The following CPQ variants were observed in gnomAD, a reference collection of about 807,000 sequenced individuals.
The protein encoded by CPQ is carboxypeptidase Q, also known as Ser-Met dipeptidase.
CPQ carries 37 observed loss-of-function variants against 45.7 expected under a neutral mutation model. The observed-to-expected ratio is 0.81, with a 90% CI of 0.62 to 1.07. CPQ has a LOEUF of 1.07. Ranked by LOEUF, CPQ falls within the 50% of genes least tolerant of loss-of-function variation. The probability of loss-of-function intolerance (pLI) is 0.00; values close to 1 mark genes in which losing one functional copy is unlikely to be tolerated. For synonymous variants in CPQ, 186 were observed against 205.8 expected (o/e 0.90, Z 0.82); for missense variants, 537 against 572.9 (o/e 0.94, Z 0.64).
intron 1 of CPQ, among the ~76,000 whole-genome samples, chr8:96,682,562 G>T (rs1163415779): frequency 6.6e-6 from 1 of 152,088 alleles, no homozygotes; most frequent in East Asian, 1.9e-4. Flanking sequence ...AACTATTGTT[G>T]TACTGGAGTC....
intron 5 of CPQ, among the ~76,000 whole-genome samples, chr8:96,984,436 G>A (rs1353208998): frequency 6.6e-6 from 1 of 152,068 alleles, no homozygotes; most frequent in African/African-American, 2.4e-5. Context: ...CATTATAAAA[G>A]GGCTGGAAGG....
intron 5 of CPQ, among the ~76,000 whole-genome samples, chr8:97,012,621 G>T (rs1809509050): frequency 6.6e-6 from 1 of 151,994 alleles, no homozygotes; most frequent in Non-Finnish European, 1.5e-5. Flanking sequence ...ATAAACTTGG[G>T]GAGTCTTTTT....
At chr8:96,848,383 T>G (rs1811727699) in intron 3 of CPQ, among the ~76,000 whole-genome samples, 1 of 152,254 alleles carries the variant, frequency 6.6e-6, no homozygotes, top group Non-Finnish European at 1.5e-5. Flanking sequence ...TTATAACAAT[T>G]TATGAATTTA....
intron 4 of CPQ, among the ~76,000 whole-genome samples, chr8:96,963,228 A>G (rs1408160578): frequency 1.3e-5 from 2 of 152,244 alleles, no homozygotes; most frequent in African/African-American, 2.4e-5. Context: ...TACACTTTTA[A>G]TCCACTGGAA....
At chr8:96,781,915 A>G (rs1271404130) in intron 1 of CPQ, among the ~76,000 whole-genome samples, 1 of 152,206 alleles carries the variant, frequency 6.6e-6, no homozygotes, top group Admixed American at 6.5e-5. Flanking sequence ...CAACAACAGT[A>G]AATCTTAAGC....
intron 1 of CPQ, among the ~76,000 whole-genome samples, chr8:96,681,258 A>T (rs920144239): frequency 2.0e-5 from 3 of 152,242 alleles, no homozygotes; most frequent in African/African-American, 7.2e-5. Context: ...TCACAGGACC[A>T]GAGGCCTAGG....
rs754561204 is a variant in CPQ, at chr8:97,066,201, G to C, written c.1246G>C (p.Gly416Arg). Residue 416 changes from glycine to arginine, a missense_variant, in exon 7 of 8, where the codon GGA becomes CGA. Physicochemically the swap from Gly to Arg is moderately radical, Grantham distance 125. Coordinates refer to ENST00000220763, the MANE Select transcript of CPQ (RefSeq NM_016134.4). ...GTDINFWIQA[G>R]VPGASLLDDL... ...AGACATCAACTTTTGGATCCAAGCT[G>C]GAGTGCCTGGTAAGACCAAAAGATG... is the stretch of plus-strand genomic sequence containing the variant. The C allele has an allele frequency of 2.4e-5, 39 of 1,608,584 alleles. No homozygotes were observed. Among genetic ancestry groups the C allele is most frequent in the Non-Finnish European group, 3.3e-5 (39 of 1,178,532 alleles).
intron 3 of CPQ, among the ~76,000 whole-genome samples, chr8:96,852,996 G>T (rs1811791503): frequency 6.6e-6 from 1 of 152,216 alleles, no homozygotes; most frequent in Non-Finnish European, 1.5e-5. Flanking sequence ...CCAGACCCCT[G>T]TGGGCACATA....
chr8:96,928,951 T>C (rs1389815736), intron 4 of CPQ, among the ~76,000 whole-genome samples: 1 of 152,200 alleles, frequency 6.6e-6, no homozygotes, highest in Non-Finnish European at 1.5e-5. Context: ...CTCAGGTTGC[T>C]TTTAAGGAAT....
At chr8:96,939,830 C>T (rs1280781616) in intron 4 of CPQ, among the ~76,000 whole-genome samples, 1 of 152,110 alleles carries the variant, frequency 6.6e-6, no homozygotes, top group Non-Finnish European at 1.5e-5. Flanking sequence ...AGGGTATATA[C>T]CTAGGAGTGG....
rs1813698981 is a variant in CPQ at position 96,972,649 on chromosome 8, C to G, written c.961+6603C>G. On this transcript the variant is annotated intron_variant, in intron 5 of 7. Transcript: ENST00000220763. ...AGACGACTTCACTCCCCTGCTAATT[C>G]CATCAGAGCAGGTGCTGGCATCCAT... Among the ~76,000 whole-genome samples the G allele has an allele frequency of 3.9e-5, 6 of 152,346 alleles. No individual in the cohort carries two copies. The South Asian group carries it at 1.0e-3, about 26-fold the overall frequency.
intron 3 of CPQ, among the ~76,000 whole-genome samples, chr8:96,835,537 G>C (rs1331725780): frequency 1.3e-5 from 2 of 152,216 alleles, no homozygotes; most frequent in Non-Finnish European, 2.9e-5. Context: ...GAGGGAGCCA[G>C]CCTGTTTTCC....
At chr8:97,038,506 GC>G (rs1328831687) in intron 6 of CPQ, among the ~76,000 whole-genome samples, 1 of 152,164 alleles carries the variant, frequency 6.6e-6, no homozygotes, top group Non-Finnish European at 1.5e-5. Context: ...GAGGCATCAT[GC>G]CTTGGGCTCA....
intron 3 of CPQ, among the ~76,000 whole-genome samples, chr8:96,875,872 C>T (rs930536643): frequency 3.3e-5 from 5 of 151,668 alleles, no homozygotes; most frequent in African/African-American, 1.2e-4. Context: ...GCGTTAAATC[C>T]ATAAATCAAC....
intron 4 of CPQ, among the ~76,000 whole-genome samples, chr8:96,894,234 C>G (rs1292402515): frequency 2.0e-5 from 3 of 152,174 alleles, no homozygotes; most frequent in Admixed American, 2.0e-4. Flanking sequence ...TAAGCCAGAA[C>G]CACCCAGCTA....
chr8:97,041,944 C>T (rs1810133472), intron 6 of CPQ, among the ~76,000 whole-genome samples: 1 of 152,138 alleles, frequency 6.6e-6, no homozygotes, highest in Admixed American at 6.6e-5. Context: ...GTCTAAAATT[C>T]TCTTTTTTGG....
At chr8:97,109,054 C>G (rs115655552) in intron 7 of CPQ, among the ~76,000 whole-genome samples, 1 of 152,166 alleles carries the variant, frequency 6.6e-6, no homozygotes, top group Non-Finnish European at 1.5e-5. Context: ...CTTAGTTGAT[C>G]CACATTGCCT....
chr8:96,781,664 A>C (rs1810686771), intron 1 of CPQ, among the ~76,000 whole-genome samples: 1 of 152,206 alleles, frequency 6.6e-6, no homozygotes, highest in South Asian at 2.1e-4. Flanking sequence ...CCAAAGTCTT[A>C]ATTCCTTCCA....
At position 96,748,686 on chromosome 8, in the gene CPQ, A is replaced by C. The variant is rs1810221367; in HGVS notation, c.-34-36178A>C. On this transcript the variant is annotated intron_variant, in intron 1 of 7. Coordinates refer to ENST00000220763, the MANE Select transcript of CPQ (RefSeq NM_016134.4). The stretch of plus-strand genomic sequence containing the variant: ...GAAAAGTGAAGAAAAATACCAAAGA[A>C]ATATTTTTGTAAGAATAACTTAAAA... 2.6e-5 allele frequency among the ~76,000 whole-genome samples: 4 copies of C among 152,350 alleles called. No individual in the cohort carries two copies. In the East Asian group the frequency reaches 7.7e-4, roughly 29 times the overall value.
Sources: gnomAD v4.1 joint callset for allele counts (sites outside exome capture counted in the v4.1 genomes callset) on GRCh38, gnomAD v4.1.1 for gene constraint, MANE v1.5 for transcripts, NCBI Gene and HGNC (gene_info 2026-07-23, HGNC 2026-07-21) for gene names.